Variants in CENPE observed in about 807,000 individuals in gnomAD.
CENPE encodes centromere-associated protein E.
A neutral mutation model predicts 336.1 loss-of-function variants in CENPE; 145 were observed. The ratio of observed to expected loss-of-function variants is 0.43; its 90% CI spans 0.38 to 0.50. The LOEUF (loss-of-function observed/expected upper bound fraction) is 0.50. CENPE is among the 20% of genes least tolerant of loss of function. The pLI, the probability that CENPE is intolerant of heterozygous loss-of-function variation, is 0.00. For synonymous variants in CENPE, 1,013 were observed against 984.8 expected (o/e 1.03, Z -0.54); for missense variants, 2,719 against 3,023.3 (o/e 0.90, Z 2.36).
Position 103,149,192 on chromosome 4 carries a change from G to T in CENPE, c.3613C>A (p.Leu1205Ile). 3 of 1,611,484 alleles carry T rather than the reference G, an allele frequency of 1.9e-6. No individual in the cohort carries two copies. Among genetic ancestry groups the T allele is most frequent in the Middle Eastern group, 1.7e-4 (1 of 6,054 alleles). ...TCAAATGACTTCTGTAATTCCTTTAGAACTTTTCTTTCTTTGGTTATAGAT... is the reference window on the plus strand; with the variant it reads ...TCAAATGACTTCTGTAATTCCTTTATAACTTTTCTTTCTTTGGTTATAGAT... ...VKSITKERKV[L>I]KELQKSFETE... The change falls in exon 27 of 49, where the codon CTA (leucine) becomes ATA (isoleucine). Residue 1205 changes from leucine (L) to isoleucine (I), a missense_variant. Physicochemically the swap from Leu to Ile is conservative, Grantham distance 5. Coordinates refer to ENST00000265148, the MANE Select transcript of CENPE (RefSeq NM_001813.3).
intron 16 of CENPE, among the ~76,000 whole-genome samples, chr4:103,164,093 C>T (rs1249155520): frequency 2.6e-5 from 4 of 152,148 alleles, no homozygotes; most frequent in African/African-American, 7.2e-5. Context: ...TATTACTTTT[C>T]ACCAGTGCTA....
At chr4:103,122,164 A>C (rs189314716) in intron 43 of CENPE, among the ~76,000 whole-genome samples, 1 of 152,312 alleles carries the variant, frequency 6.6e-6, no homozygotes, top group African/African-American at 2.4e-5. Flanking sequence ...TGCCCTACAA[A>C]TCAAAACACT....
intron 16 of CENPE, among the ~76,000 whole-genome samples, chr4:103,167,003 T>C (rs758434393): frequency 6.6e-6 from 1 of 152,074 alleles, no homozygotes. Context: ...ACTTAGAAAA[T>C]GAGTGATCTG....
chr4:103,147,297 A>G, intron 29 of CENPE, 59 bp downstream of exon 29: 2 of 1,402,404 alleles, frequency 1.4e-6, no homozygotes, highest in Non-Finnish European at 1.9e-6. Context: ...TATAACACAA[A>G]CACAAGCCTT....
intron 43 of CENPE, among the ~76,000 whole-genome samples, chr4:103,121,722 A>T (rs1350554785): frequency 1.3e-5 from 2 of 151,696 alleles, no homozygotes; most frequent in East Asian, 1.9e-4. Flanking sequence ...ATAATATATT[A>T]AAAAAACACT....
chr4:103,137,302 T>C (rs1176093202), intron 39 of CENPE, among the ~76,000 whole-genome samples: 1 of 152,176 alleles, frequency 6.6e-6, no homozygotes, highest in Admixed American at 6.5e-5. Context: ...TCTGGACCCA[T>C]AGACTCAAGT....
chr4:103,167,065 A>G (rs551894036), intron 16 of CENPE, among the ~76,000 whole-genome samples: 4 of 152,322 alleles, frequency 2.6e-5, no homozygotes, highest in African/African-American at 7.2e-5. Context: ...TAATTTTCAC[A>G]TAACTCTCTT....
intron 16 of CENPE, among the ~76,000 whole-genome samples, chr4:103,169,973 G>A (rs1267126176): frequency 6.6e-6 from 1 of 152,164 alleles, no homozygotes; most frequent in Non-Finnish European, 1.5e-5. Context: ...ATGAGTTCAT[G>A]TCCTTTGCAG....
chr4:103,187,444 G>C (rs1385930172), intron 8 of CENPE, among the ~76,000 whole-genome samples: 1 of 152,132 alleles, frequency 6.6e-6, no homozygotes, highest in African/African-American at 2.4e-5. Context: ...ACTAACAGCT[G>C]ATCTCTCAGC....
At position 103,139,843 on chromosome 4, in the gene CENPE, A is replaced by T; in HGVS notation, c.6150T>A (p.Ser2050=). ...TGAATTGGTCCCTTTCCATTTTGAG[A>T]GATTCTTTTATCCTCCTTAGCTCAT... is the stretch of plus-strand genomic sequence containing the variant. ...ERDELRRIKE[S]LKMERDQFIA... Residue 2050 remains serine (S), a synonymous_variant, in exon 38 of 49, where the codon TCT becomes TCA. Transcript: ENST00000265148. The T allele has an allele frequency of 6.2e-7, 1 of 1,612,464 alleles. No individual in the cohort carries two copies. The highest frequency in any genetic ancestry group is 8.5e-7 in the Non-Finnish European group (1 of 1,179,422).
chr4:103,196,635 G>A (rs1757759735), intron 2 of CENPE, 124 bp downstream of exon 2: 1 of 615,958 alleles, frequency 1.6e-6, no homozygotes, highest in Non-Finnish European at 2.9e-6. Context: ...TTTGTTTCCA[G>A]TGAAGCAGTT....
At chr4:103,133,364 T>C (rs1335032141) in intron 41 of CENPE, among the ~76,000 whole-genome samples, 1 of 152,144 alleles carries the variant, frequency 6.6e-6, no homozygotes, top group Non-Finnish European at 1.5e-5. Context: ...CTTCTAAATG[T>C]AGCTTTTCAG....
chr4:103,167,150 T>C (rs749980104), intron 16 of CENPE, among the ~76,000 whole-genome samples: 13 of 152,174 alleles, frequency 8.5e-5, no homozygotes, highest in Non-Finnish European at 1.3e-4. Flanking sequence ...TTTAGAAACA[T>C]ACTTTCTAAA....
At chr4:103,130,165 G>A (rs1257173413) in intron 42 of CENPE, among the ~76,000 whole-genome samples, 2 of 152,016 alleles carry the variant, frequency 1.3e-5, no homozygotes, top group East Asian at 1.9e-4. Context: ...CCAAATTAAC[G>A]CCATAAGACA....
chr4:103,142,925 C>T (rs1173276454), intron 34 of CENPE, among the ~76,000 whole-genome samples: 2 of 144,020 alleles, frequency 1.4e-5, no homozygotes, highest in Non-Finnish European at 3.0e-5. Context: ...AGGAGAATCG[C>T]TTGAACCCGG....
In CENPE at chr4:103,195,230, G is replaced by A. The variant is rs924429966; in HGVS notation, c.361C>T (p.Pro121Ser). 3.2e-6 allele frequency: 5 copies of A among 1,566,826 alleles called. No homozygotes were observed. The highest frequency in any genetic ancestry group is 4.3e-6 in the Non-Finnish European group (5 of 1,164,302). ...HDIFQKIKKF[P>S]DREFLLRVSY... ...ACACGTAAGAGAAATTCCCTATCAG[G>A]AAACTAGAAGAAAAAAAATTATATA... The change falls in exon 5 of 49, where the codon CCT becomes TCT. Residue 121 changes from proline to serine, a missense_variant. Transcript: ENST00000265148.
chr4:103,158,316 T>C lies in CENPE; in HGVS notation c.3017A>G (p.Asp1006Gly), dbSNP rs1754131038. The C allele has an allele frequency of 2.5e-6, 4 of 1,605,362 alleles. No individual in the cohort carries two copies. Among genetic ancestry groups the C allele is most frequent in the Admixed American group, 1.7e-5 (1 of 58,722 alleles). The change falls in exon 24 of 49, where the codon GAT becomes GGT. Residue 1006 changes from aspartate to glycine, a missense_variant. This residue lies in a region of CENPE where 2,437 missense variants were observed against 2,513.3 expected (regional missense o/e 0.97). Transcript: ENST00000265148. Reference sequence around the variant, plus strand: ...ACCCTTTACCTTTTGCTGAAATTCATCTTTAGTTTCTCCTGTATTTTCCTC... The same window carrying C: ...ACCCTTTACCTTTTGCTGAAATTCACCTTTAGTTTCTCCTGTATTTTCCTC... ...HMEENTGETK[D>G]EFQQKMVGID...
At position 103,147,614 on chromosome 4, in the gene CENPE, C is replaced by T. The variant is rs746719034; in HGVS notation, c.3876G>A (p.Leu1292=). ...TCTCACTGACTTCTTTCACATTAGG[C>T]AGTAACTCTTGTTCCTCATGAAGCA... The part of the protein sequence containing the change: ...IPVLHEEQEL[L]PNVKEVSETQ... Residue 1292 remains leucine, a synonymous_variant, in exon 29 of 49, where the codon CTG becomes CTA. Coordinates refer to ENST00000265148, the MANE Select transcript of CENPE (RefSeq NM_001813.3). 2 of 1,613,036 alleles carry T rather than the reference C, an allele frequency of 1.2e-6. No individual in the cohort carries two copies. Among genetic ancestry groups the T allele is most frequent in the South Asian group, 2.2e-5 (2 of 91,052 alleles).
At chr4:103,141,937 G>A in intron 34 of CENPE, 29 bp from the exon 35 acceptor site, 1 of 1,364,002 alleles carries the variant, frequency 7.3e-7, no homozygotes, top group South Asian at 1.3e-5. Context: ...TTTAAAAACA[G>A]TGACATATCT....
Sources: allele counts gnomAD v4.1 joint callset (sites outside exome capture counted in the v4.1 genomes callset), GRCh38; gene constraint gnomAD v4.1.1; regional missense constraint gnomAD v4.1.1; transcripts MANE v1.5; gene names NCBI Gene and HGNC (gene_info 2026-07-23, HGNC 2026-07-21).